The following NYAP2 variants were observed in gnomAD, a reference collection of about 807,000 sequenced individuals.
The protein encoded by NYAP2 is neuronal tyrosine-phosphorylated phosphoinositide-3-kinase adapter 2.
In NYAP2, 23 loss-of-function variants were observed where a neutral mutation model predicts 50.4. The observed-to-expected ratio is 0.46, with a 90% confidence interval of 0.33 to 0.65. The LOEUF (loss-of-function observed/expected upper bound fraction) is 0.65. Ranked by LOEUF, NYAP2 falls within the 30% of genes least tolerant of loss-of-function variation. The pLI, the probability that NYAP2 is intolerant of heterozygous loss-of-function variation, is 0.02. For synonymous variants in NYAP2, 394 were observed against 365.2 expected, an observed-to-expected ratio of 1.08 and a Z score of -0.90; for missense variants, 885 against 861.0, an observed-to-expected ratio of 1.03 and a Z score of -0.35.
At chr2:225,684,930 T>C in the NYAP2 span, among the ~76,000 whole-genome samples, 1 of 152,152 alleles carries the variant, frequency 6.6e-6, no homozygotes, top group Non-Finnish European at 1.5e-5. Flanking sequence ...TGTTCTAACC[T>C]GAGGCCAAGA....
At chr2:225,662,894 T>G in the NYAP2 span, among the ~76,000 whole-genome samples, 1 of 152,206 alleles carries the variant, frequency 6.6e-6, no homozygotes, top group Non-Finnish European at 1.5e-5. Flanking sequence ...GGACCTACCC[T>G]TGGAGAAAGC....
chr2:225,585,868 C>A (rs1485321514), intron 5 of NYAP2, among the ~76,000 whole-genome samples: 2 of 152,156 alleles, frequency 1.3e-5, no homozygotes, highest in African/African-American at 4.8e-5. Context: ...ATTTCTGTTG[C>A]AGTACACTCA....
chr2:225,646,901 G>A (rs573434455), intron 6 of NYAP2, among the ~76,000 whole-genome samples: 15 of 152,202 alleles, frequency 9.9e-5, no homozygotes, highest in African/African-American at 3.1e-4. Context: ...TCCAGGTCAC[G>A]GTGACATTTG....
intron 4 of NYAP2, among the ~76,000 whole-genome samples, chr2:225,523,955 G>T (rs1691109637): frequency 2.0e-5 from 3 of 152,080 alleles, no homozygotes; most frequent in Admixed American, 1.3e-4. Context: ...GTACACTGAG[G>T]ATAGAACACT....
At chr2:225,634,096 C>G (rs761676825) in intron 6 of NYAP2, among the ~76,000 whole-genome samples, 2 of 152,064 alleles carry the variant, frequency 1.3e-5, no homozygotes, top group Non-Finnish European at 2.9e-5. Context: ...AGACATGCAG[C>G]CTTTGATGGC....
chr2:225,467,140 C>A (rs964243136), intron 3 of NYAP2, among the ~76,000 whole-genome samples: 1 of 152,128 alleles, frequency 6.6e-6, no homozygotes, highest in East Asian at 1.9e-4. Context: ...AGAACATGCG[C>A]AGTGTGTTTA....
chr2:225,581,838 A>G (rs1692274259), intron 4 of NYAP2, 103 bp from the exon 5 acceptor site: 5 of 1,083,024 alleles, frequency 4.6e-6, no homozygotes, highest in Non-Finnish European at 6.7e-6. Context: ...GAAGCTGTCT[A>G]CCCCTCTGGC....
chr2:225,694,935 G>GAGTA, the NYAP2 span, among the ~76,000 whole-genome samples: 6 of 151,402 alleles, frequency 4.0e-5, no homozygotes, highest in African/African-American at 1.5e-4. Flanking sequence ...AAATATTATG[G>GAGTA]AGTAAGTCTG....
chr2:225,563,965 G>GGT (rs1160949956), intron 4 of NYAP2, among the ~76,000 whole-genome samples: 2 of 152,108 alleles, frequency 1.3e-5, no homozygotes, highest in East Asian at 3.9e-4. Context: ...TTGCAGACTG[G>GGT]GTGAACTGTA....
intron 4 of NYAP2, among the ~76,000 whole-genome samples, chr2:225,532,222 G>A (rs1341167695): frequency 6.6e-6 from 1 of 152,044 alleles, no homozygotes; most frequent in East Asian, 1.9e-4. Flanking sequence ...TCCAGCTTTT[G>A]AGCAGTTCTT....
intron 6 of NYAP2, among the ~76,000 whole-genome samples, chr2:225,639,467 A>ATTTTTTTC (rs939478979): frequency 4.6e-5 from 7 of 151,772 alleles, no homozygotes; most frequent in African/African-American, 1.4e-4. Context: ...ATTATCTGAC[A>ATTTTTTTC]TTTTTTTCTT....
chr2:225,541,898 T>G (rs938829663), intron 4 of NYAP2, among the ~76,000 whole-genome samples: 2 of 152,186 alleles, frequency 1.3e-5, no homozygotes, highest in Non-Finnish European at 2.9e-5. Context: ...ATCTTAACAT[T>G]ATTGATCCTT....
chr2:225,547,724 C>T (rs1205632855), intron 4 of NYAP2, among the ~76,000 whole-genome samples: 1 of 152,320 alleles, frequency 6.6e-6, no homozygotes, highest in East Asian at 1.9e-4. Flanking sequence ...CACTGTCTTT[C>T]CCACCCTCTT....
intron 3 of NYAP2, among the ~76,000 whole-genome samples, chr2:225,505,020 AATC>A (rs1179149804): frequency 6.6e-6 from 1 of 151,884 alleles, no homozygotes; most frequent in African/African-American, 2.4e-5. Context: ...AAAAAAAAAA[AATC>A]ATCATCATCA....
chr2:225,572,342 G>C (rs1334886634), intron 4 of NYAP2, among the ~76,000 whole-genome samples: 1 of 152,186 alleles, frequency 6.6e-6, no homozygotes, highest in Admixed American at 6.5e-5. Context: ...CTGAGACTGG[G>C]TAATTTATAA....
chr2:225,521,916 T>A (rs576242560), intron 4 of NYAP2, among the ~76,000 whole-genome samples: 2 of 152,008 alleles, frequency 1.3e-5, no homozygotes, highest in Admixed American at 1.3e-4. Context: ...GACTCTTTTT[T>A]GTTGGTAAGC....
chr2:225,596,769 T>A (rs966825212), intron 5 of NYAP2, among the ~76,000 whole-genome samples: 4 of 152,308 alleles, frequency 2.6e-5, no homozygotes, highest in Non-Finnish European at 5.9e-5. Flanking sequence ...AGGTTTAGAT[T>A]ATTCTTATAC....
chr2:225,426,139 CT>C (rs56247453), intron 3 of NYAP2, among the ~76,000 whole-genome samples: 112,993 of 148,838 alleles, frequency 0.76, 42,973 homozygotes, highest in African/African-American at 0.8. Flanking sequence ...TTTCTCTTTT[CT>C]TTTTTTTTTT....
At chr2:225,661,461 G>A in the NYAP2 span, among the ~76,000 whole-genome samples, 1 of 152,144 alleles carries the variant, frequency 6.6e-6, no homozygotes, top group Non-Finnish European at 1.5e-5. Context: ...CTTTTGTTGA[G>A]AGCTTCTTAT....
Sources: gnomAD v4.1 joint callset for allele counts (sites outside exome capture counted in the v4.1 genomes callset) on GRCh38, gnomAD v4.1.1 for gene constraint, MANE v1.5 for transcripts, NCBI Gene and HGNC (gene_info 2026-07-23, HGNC 2026-07-21) for gene names.